AGO2: variants seen among roughly 807,000 people sequenced by gnomAD.
The protein encoded by AGO2 is protein argonaute-2.
In AGO2, 5 loss-of-function variants were observed where a neutral mutation model predicts 102.3. The observed-to-expected ratio is 0.05, with a 90% CI of 0.03 to 0.10. AGO2 has a LOEUF of 0.10. Ranked by LOEUF, AGO2 falls within the 10% of genes least tolerant of loss-of-function variation. The pLI is 1.00. For synonymous variants in AGO2, 449 were observed against 473.1 expected (o/e 0.95, Z 0.66); for missense variants, 541 against 1,183.7 (o/e 0.46, Z 7.97).
rs570418559 is a variant in AGO2, at chr8:140,538,553, C to T, written c.2169+767G>A. Among the ~76,000 whole-genome samples, 11 of 152,364 alleles carry T rather than the reference C, an allele frequency of 7.2e-5. No individual in the cohort carries two copies. The East Asian group carries it at 1.3e-3, about 19-fold the overall frequency. Reference sequence around the variant, plus strand: ...CTCCTGCTCCTCCTCATTCCCCTTCCGGAACACCTATGAGATGTACCATGG... The same window carrying T: ...CTCCTGCTCCTCCTCATTCCCCTTCTGGAACACCTATGAGATGTACCATGG... On this transcript the variant is annotated intron_variant, in intron 16 of 18. Coordinates refer to ENST00000220592, the MANE Select transcript of AGO2 (RefSeq NM_012154.5).
At chr8:140,631,245 A>AT (rs1284707493) in intron 1 of AGO2, among the ~76,000 whole-genome samples, 1 of 152,170 alleles carries the variant, frequency 6.6e-6, no homozygotes, top group African/African-American at 2.4e-5. Flanking sequence ...AAGAAAAGAG[A>AT]TTTTAAAAGA....
In AGO2 at chr8:140,570,574, G is replaced by A. The variant is rs779671354; in HGVS notation, c.336+2238C>T. 2.6e-5 allele frequency among the ~76,000 whole-genome samples: 4 copies of A among 152,264 alleles called. 1 individual carries two copies. The highest frequency in any genetic ancestry group is 6.8e-3 in the Middle Eastern group (2 of 294). ...CTCTCGCTACTCAACATGTGGCATG[G>A]GGCCAGCAGCACAGGCACCGGCTAG... is the stretch of plus-strand genomic sequence containing the variant. On this transcript the variant is annotated intron_variant, in intron 3 of 18. Coordinates refer to ENST00000220592, the MANE Select transcript of AGO2 (RefSeq NM_012154.5).
chr8:140,573,696 G>A (rs1007636623), intron 2 of AGO2, among the ~76,000 whole-genome samples: 4 of 152,238 alleles, frequency 2.6e-5, no homozygotes, highest in Admixed American at 1.3e-4. Context: ...TGAAGGCACT[G>A]ACGAGAAGAA....
At chr8:140,617,068 G>C (rs373783119) in intron 1 of AGO2, among the ~76,000 whole-genome samples, 155 of 152,342 alleles carry the variant, frequency 1.0e-3, no homozygotes, top group African/African-American at 3.6e-3. Flanking sequence ...GGCAGTGAGA[G>C]AGTGGACCCC....
intron 17 of AGO2, among the ~76,000 whole-genome samples, chr8:140,533,164 C>A (rs893644549): frequency 6.6e-6 from 1 of 151,854 alleles, no homozygotes; most frequent in African/African-American, 2.4e-5. Flanking sequence ...CCGAGGCGGG[C>A]AGATCACAAG....
At chr8:140,551,653 T>TGATGGGTGGGTGGATGGTG (rs2072998147) in intron 10 of AGO2, among the ~76,000 whole-genome samples, 1 of 149,912 alleles carries the variant, frequency 6.7e-6, no homozygotes, top group Non-Finnish European at 1.5e-5. Flanking sequence ...GGTGGATGGT[T>TGATGGGTGGGTGGATGGTG]GATGGGTGGG....
intron 1 of AGO2, among the ~76,000 whole-genome samples, chr8:140,597,945 C>T (rs1225798573): frequency 6.6e-6 from 1 of 152,232 alleles, no homozygotes; most frequent in Non-Finnish European, 1.5e-5. Flanking sequence ...CCAGGGGCCT[C>T]ACAGTAGATG....
intron 6 of AGO2, among the ~76,000 whole-genome samples, chr8:140,558,905 C>T (rs1380774403): frequency 6.6e-6 from 1 of 152,144 alleles, no homozygotes; most frequent in Non-Finnish European, 1.5e-5. Context: ...ACGGGTTCAG[C>T]GGGCAGGGCT....
chr8:140,609,642 C>T (rs2074050207), intron 1 of AGO2, among the ~76,000 whole-genome samples: 1 of 152,176 alleles, frequency 6.6e-6, no homozygotes, highest in South Asian at 2.1e-4. Context: ...CCATCCCATC[C>T]CCCCAGTCAT....
chr8:140,631,742 T>C (rs1214959279), intron 1 of AGO2, among the ~76,000 whole-genome samples: 1 of 152,140 alleles, frequency 6.6e-6, no homozygotes, highest in African/African-American at 2.4e-5. Flanking sequence ...TTAACTGTCA[T>C]AACGGCACTG....
At chr8:140,536,256 A>G (rs2132864840) in intron 16 of AGO2, among the ~76,000 whole-genome samples, 1 of 152,254 alleles carries the variant, frequency 6.6e-6, no homozygotes, top group South Asian at 2.1e-4. Flanking sequence ...TCCCTGATGA[A>G]TGTTTTCTAG....
chr8:140,613,656 C>T (rs2074107470), intron 1 of AGO2, among the ~76,000 whole-genome samples: 1 of 152,112 alleles, frequency 6.6e-6, no homozygotes, highest in South Asian at 2.1e-4. Flanking sequence ...CTGGCAGAAT[C>T]GGCGACAAAT....
At chr8:140,603,153 C>G (rs192956811) in intron 1 of AGO2, among the ~76,000 whole-genome samples, 1 of 152,200 alleles carries the variant, frequency 6.6e-6, no homozygotes, top group Non-Finnish European at 1.5e-5. Flanking sequence ...CTCAGGCCCC[C>G]ACGGCGGCGT....
chr8:140,556,982 C>T (rs2073107255), intron 8 of AGO2, 107 bp downstream of exon 8: 1 of 1,443,442 alleles, frequency 6.9e-7, no homozygotes, highest in Non-Finnish European at 9.4e-7. Flanking sequence ...AGAGGCAGTG[C>T]CATTTGTATC....
At chr8:140,609,834 G>A (rs1022696532) in intron 1 of AGO2, among the ~76,000 whole-genome samples, 5 of 150,776 alleles carry the variant, frequency 3.3e-5, no homozygotes, top group African/African-American at 4.9e-5. Context: ...CTGTAATCCC[G>A]GCACAGAAAA....
chr8:140,632,929 G>A (rs550112605), intron 1 of AGO2, among the ~76,000 whole-genome samples: 3 of 147,484 alleles, frequency 2.0e-5, no homozygotes, highest in African/African-American at 7.5e-5. Context: ...TTCTTGAGAT[G>A]GAGTCTCCAA....
intron 16 of AGO2, among the ~76,000 whole-genome samples, chr8:140,537,725 T>C (rs2072722242): frequency 6.6e-6 from 1 of 152,226 alleles, no homozygotes. Context: ...GTTTTTGCTT[T>C]ACTTTTTTTT....
intron 13 of AGO2, among the ~76,000 whole-genome samples, chr8:140,545,456 A>G (rs1218755474): frequency 6.6e-6 from 1 of 151,992 alleles, no homozygotes; most frequent in Admixed American, 6.5e-5. Context: ...CCAGGCCTTG[A>G]ACTCCAGCCT....
At chr8:140,635,671 C>T (rs1157376520), upstream of AGO2, 4 of 246,394 alleles carry the variant, frequency 1.6e-5, no homozygotes, top group African/African-American at 7.5e-5. Flanking sequence ...GCGGAGGCGG[C>T]GGCGGGAGCG....
Sources: allele counts gnomAD v4.1 joint callset (sites outside exome capture counted in the v4.1 genomes callset), GRCh38; gene constraint gnomAD v4.1.1; transcripts MANE v1.5; gene names NCBI Gene and HGNC (gene_info 2026-07-23, HGNC 2026-07-21).